LIN28B: variants seen among roughly 807,000 people sequenced by gnomAD.
LIN28B encodes the protein lin-28 RNA binding posttranscriptional regulator B.
In LIN28B, 5 loss-of-function variants were observed where a neutral mutation model predicts 21.9. The observed-to-expected ratio is 0.23, with a 90% CI of 0.12 to 0.48. The LOEUF is 0.48. LIN28B is among the 20% of genes least tolerant of loss of function. The pLI is 0.98. For synonymous variants in LIN28B, 109 were observed against 111.3 expected (o/e 0.98, Z 0.13); for missense variants, 245 against 310.5 (o/e 0.79, Z 1.58).
intron 2 of LIN28B, among the ~76,000 whole-genome samples, chr6:104,979,091 T>C (rs1215692971): frequency 1.3e-5 from 2 of 152,206 alleles, no homozygotes; most frequent in Non-Finnish European, 2.9e-5. Context: ...TGAAACATTT[T>C]AGCATTTTTG....
chr6:105,033,373 ATT>A (rs1231684695), intron 3 of LIN28B, among the ~76,000 whole-genome samples: 1 of 152,080 alleles, frequency 6.6e-6, no homozygotes, highest in Non-Finnish European at 1.5e-5. Flanking sequence ...GTAGAATCAT[ATT>A]TTGTGAAGAG....
intron 2 of LIN28B, among the ~76,000 whole-genome samples, chr6:104,995,837 T>TA (rs1222061149): frequency 6.6e-6 from 1 of 151,258 alleles, no homozygotes; most frequent in Non-Finnish European, 1.5e-5. Flanking sequence ...TAAACTAAAC[T>TA]AAAAAAAATA....
chr6:105,013,677 C>T (rs577471487), intron 2 of LIN28B, among the ~76,000 whole-genome samples: 1 of 150,294 alleles, frequency 6.7e-6, no homozygotes, highest in Non-Finnish European at 1.5e-5. Flanking sequence ...GAGCTGTGGT[C>T]ACACCACTGC....
chr6:104,938,050 CAAAAAAAAA>C (rs10562331), intron 2 of LIN28B, among the ~76,000 whole-genome samples: 2 of 73,710 alleles, frequency 2.7e-5, no homozygotes, highest in African/African-American at 6.1e-5. Flanking sequence ...CCTGTCTCTA[CAAAAAAAAA>C]AAAAAAAAAA....
At chr6:104,967,122 G>T (rs1316013918) in intron 2 of LIN28B, among the ~76,000 whole-genome samples, 3 of 151,884 alleles carry the variant, frequency 2.0e-5, no homozygotes, top group Non-Finnish European at 4.4e-5. Flanking sequence ...CTTTATCCTA[G>T]TAGTGTCTGT....
chr6:105,028,206 GGAGGTTGAGAT>G lies in LIN28B; in HGVS notation c.383+1725_383+1735del, dbSNP rs1398034144. 3.1e-3 allele frequency among the ~76,000 whole-genome samples: 478 copies of G among 152,268 alleles called. 5 individuals carry two copies. The highest frequency in any genetic ancestry group is 0.011 in the African/African-American group (456 of 41,548). ...GAATCAGTATGTGAGGGAGAATAGT[GGAGGTTGAGAT>G]TTGAAGAGTAAGATGGCAGGACATT... On this transcript the variant is annotated intron_variant, in intron 3 of 3. Transcript: ENST00000345080.
At chr6:104,966,891 G>C (rs1769871537) in intron 2 of LIN28B, among the ~76,000 whole-genome samples, 1 of 152,084 alleles carries the variant, frequency 6.6e-6, no homozygotes, top group Admixed American at 6.5e-5. Context: ...AAAGTGCTGG[G>C]ATTACAGGCG....
intron 2 of LIN28B, among the ~76,000 whole-genome samples, chr6:104,966,435 A>T (rs1475788613): frequency 2.0e-5 from 3 of 152,062 alleles, no homozygotes; most frequent in East Asian, 1.9e-4. Context: ...TGTTTTTATT[A>T]ATCATTTTAA....
Position 105,049,004 on chromosome 6 carries a change from GTC to G in LIN28B, c.383+22526_383+22527del, listed in dbSNP as rs557338923. Among the ~76,000 whole-genome samples, 643 of 152,166 alleles carry G rather than the reference GTC, an allele frequency of 4.2e-3. 3 individuals are homozygous for G. Among genetic ancestry groups the G allele is most frequent in the Admixed American group, 6.9e-3 (105 of 15,280 alleles). On this transcript the variant is annotated intron_variant, in intron 3 of 3. Coordinates refer to ENST00000345080, the MANE Select transcript of LIN28B (RefSeq NM_001004317.4). ...ATTGATGTTTTGAAGGGTTTTTTGT[GTC>G]TCTATTTCCTTCAGTTCTGCTCTGA... is the stretch of plus-strand genomic sequence containing the variant.
chr6:105,034,146 C>T (rs1164024594), intron 3 of LIN28B, among the ~76,000 whole-genome samples: 1 of 151,666 alleles, frequency 6.6e-6, no homozygotes, highest in Non-Finnish European at 1.5e-5. Flanking sequence ...TAATTTTTAA[C>T]TGTTCATGGT....
At position 104,957,131 on chromosome 6, in the gene LIN28B, C is replaced by A. The variant is rs557535734; in HGVS notation, c.-120C>A. The A allele has an allele frequency of 2.5e-6, 4 of 1,608,370 alleles. No homozygotes were observed. The East Asian group carries it at 9.0e-5, about 36-fold the overall frequency. ...TCAAAAGAAGGAAAGCACATTAGAC[C>A]ATGCGAGCTAAATTTGTGATCGCAC... On this transcript the variant is annotated 5_prime_UTR_variant, in exon 1 of 4. Transcript: ENST00000345080.
intron 2 of LIN28B, among the ~76,000 whole-genome samples, chr6:104,976,462 A>C (rs991259538): frequency 3.3e-5 from 5 of 152,220 alleles, no homozygotes; most frequent in African/African-American, 9.6e-5. Context: ...ATGGAACTTT[A>C]TTGAACATTA....
chr6:104,957,827 A>G (rs1224142160), intron 1 of LIN28B, among the ~76,000 whole-genome samples: 2 of 152,016 alleles, frequency 1.3e-5, no homozygotes, highest in Non-Finnish European at 2.9e-5. Context: ...GTGGCTGAAA[A>G]ATGGAGTTAA....
At chr6:105,023,099 T>G (rs1771169832) in intron 2 of LIN28B, among the ~76,000 whole-genome samples, 1 of 145,220 alleles carries the variant, frequency 6.9e-6, no homozygotes, top group South Asian at 2.1e-4. Context: ...ATTCCTTACC[T>G]TTCAACAATC....
intron 2 of LIN28B, among the ~76,000 whole-genome samples, chr6:104,986,429 T>A (rs889375805): frequency 2.6e-5 from 4 of 152,088 alleles, no homozygotes; most frequent in Middle Eastern, 3.2e-3. Flanking sequence ...TAAGACAGCA[T>A]CTGGTAGTTT....
chr6:105,001,070 A>G (rs895057118), intron 2 of LIN28B, among the ~76,000 whole-genome samples: 20 of 152,324 alleles, frequency 1.3e-4, no homozygotes, highest in African/African-American at 4.8e-4. Context: ...TTTGACCAAC[A>G]GCTGTTGTTA....
Position 105,082,939 on chromosome 6 carries a change from T to G in LIN28B, c.*4156T>G, listed in dbSNP as rs150527119. The stretch of plus-strand genomic sequence containing the variant: ...CACCAAGCTGGCTTCAATTAGTATG[T>G]GTTGCTTTTTGGTATTAACAACTAA... On this transcript the variant is annotated 3_prime_UTR_variant, in exon 4 of 4. Transcript: ENST00000345080. 6.5e-6 allele frequency: 1 copy of G among 152,798 alleles called. No homozygotes were observed. Among genetic ancestry groups the G allele is most frequent in the East Asian group, 1.9e-4 (1 of 5,194 alleles). The allele number at this position is 152,798 out of a possible 1,614,324, so 9.5% of individuals were successfully genotyped here. A position where few individuals can be genotyped will look rare whatever the true frequency, so the allele number is the denominator to read the frequency against.
chr6:104,988,217 A>G (rs535385721), intron 2 of LIN28B, among the ~76,000 whole-genome samples: 7 of 152,328 alleles, frequency 4.6e-5, no homozygotes, highest in Admixed American at 4.6e-4. Flanking sequence ...AATTATGGCA[A>G]TTCTCTTTCA....
At chr6:104,979,249 G>A (rs996194049) in intron 2 of LIN28B, among the ~76,000 whole-genome samples, 12 of 146,888 alleles carry the variant, frequency 8.2e-5, no homozygotes, top group South Asian at 2.1e-4. Flanking sequence ...TCACTCTGTC[G>A]CCCAGGCTGG....
Sources: gnomAD v4.1 joint callset for allele counts (sites outside exome capture counted in the v4.1 genomes callset) on GRCh38, gnomAD v4.1.1 for gene constraint, MANE v1.5 for transcripts, NCBI Gene and HGNC (gene_info 2026-07-23, HGNC 2026-07-21) for gene names.